The following RIMS1 variants were observed in gnomAD, a reference collection of about 807,000 sequenced individuals.
RIMS1 encodes the protein regulating synaptic membrane exocytosis protein 1.
Under a neutral mutation model 214.1 loss-of-function variants are expected in RIMS1, and 83 were observed. The observed-to-expected ratio is 0.39, with a 90% confidence interval of 0.32 to 0.47. RIMS1 has a LOEUF of 0.47. Among genes scored for constraint, RIMS1 ranks in the 20% least tolerant of loss-of-function variants. The probability of loss-of-function intolerance (pLI) is 0.99; values close to 1 mark genes in which losing one functional copy is unlikely to be tolerated. For missense variants in RIMS1, 2,050 were observed against 2,161.8 expected (o/e 0.95, Z 1.03); for synonymous variants, 793 against 786.8 (o/e 1.01, Z -0.13).
At chr6:72,139,045 T>C (rs1367579130) in intron 4 of RIMS1, among the ~76,000 whole-genome samples, 3 of 152,184 alleles carry the variant, frequency 2.0e-5, no homozygotes, top group African/African-American at 7.2e-5. Flanking sequence ...CATATAACTG[T>C]TTATATGTAT....
Position 71,900,858 on chromosome 6 carries a change from G to A in RIMS1, c.164+13671G>A, listed in dbSNP as rs115667615. On this transcript the variant is annotated intron_variant, in intron 1 of 33. Coordinates refer to ENST00000521978, the MANE Select transcript of RIMS1 (RefSeq NM_014989.7). ...GAGTCATGTGTACACAGATGGCCATGAAGCTATGGGTGAGGCTGAGTGATT... is the reference window on the plus strand; with the variant it reads ...GAGTCATGTGTACACAGATGGCCATAAAGCTATGGGTGAGGCTGAGTGATT... Among the ~76,000 whole-genome samples, 1,476 of 152,226 alleles carry A rather than the reference G, an allele frequency of 9.7e-3. 28 individuals carry two copies. Among genetic ancestry groups the A allele is most frequent in the African/African-American group, 0.032 (1,340 of 41,550 alleles).
At chr6:72,057,402 G>A (rs1826494465) in intron 2 of RIMS1, among the ~76,000 whole-genome samples, 1 of 151,990 alleles carries the variant, frequency 6.6e-6, no homozygotes, top group African/African-American at 2.4e-5. Context: ...ATTCAGGCTC[G>A]GATTCTTTGA....
chr6:72,070,317 A>G (rs976356844), intron 2 of RIMS1, among the ~76,000 whole-genome samples: 1 of 152,160 alleles, frequency 6.6e-6, no homozygotes, highest in Non-Finnish European at 1.5e-5. Context: ...ATATAATCAT[A>G]TGAAATATTA....
intron 4 of RIMS1, among the ~76,000 whole-genome samples, chr6:72,144,115 A>T (rs769123909): frequency 5.3e-5 from 8 of 152,188 alleles, no homozygotes; most frequent in Admixed American, 3.9e-4. Context: ...TTATTTAACC[A>T]ATTTAAGATA....
chr6:72,260,634 T>C, intron 18 of RIMS1, 71 bp from the exon 19 acceptor site: 1 of 1,582,784 alleles, frequency 6.3e-7, no homozygotes, highest in Non-Finnish European at 8.6e-7. Context: ...ATGTTTTCAT[T>C]GGCATACCAT....
chr6:72,349,266 G>A lies in RIMS1; in HGVS notation c.4366+15431G>A, dbSNP rs550287523. On this transcript the variant is annotated intron_variant, in intron 29 of 33. Coordinates refer to ENST00000521978, the MANE Select transcript of RIMS1 (RefSeq NM_014989.7). Reference sequence around the variant, plus strand: ...AAACATTCTGTGTTCCAGATTCAAAGTCAGTGCCATAGGATGTTTTTGTAA... The same window carrying A: ...AAACATTCTGTGTTCCAGATTCAAAATCAGTGCCATAGGATGTTTTTGTAA... Among the ~76,000 whole-genome samples the A allele has an allele frequency of 3.9e-5, 6 of 152,088 alleles. No individual in the cohort carries two copies. The East Asian group carries it at 1.2e-3, about 29-fold the overall frequency.
chr6:72,292,734 A>C (rs2093586904), intron 26 of RIMS1, among the ~76,000 whole-genome samples: 1 of 152,166 alleles, frequency 6.6e-6, no homozygotes, highest in African/African-American at 2.4e-5. Flanking sequence ...CACATATCTT[A>C]GTAGATGACA....
intron 17 of RIMS1, among the ~76,000 whole-genome samples, chr6:72,258,639 G>A (rs1328216169): frequency 6.6e-6 from 1 of 152,130 alleles, no homozygotes; most frequent in African/African-American, 2.4e-5. Context: ...ACTTTGAAGA[G>A]ATTTAGGATT....
intron 28 of RIMS1, 100 bp downstream of exon 28, chr6:72,313,772 C>T: frequency 8.3e-7 from 1 of 1,204,912 alleles, no homozygotes; most frequent in Non-Finnish European, 1.1e-6. Flanking sequence ...GTTTAGGTCA[C>T]AGTGGGTTAA....
At chr6:72,096,103 G>A (rs1471258942) in intron 2 of RIMS1, among the ~76,000 whole-genome samples, 3 of 152,232 alleles carry the variant, frequency 2.0e-5, no homozygotes, top group Admixed American at 6.5e-5. Context: ...CACATTAAAT[G>A]TGAACATTCT....
At chr6:72,013,328 A>G (rs1811523787) in intron 2 of RIMS1, among the ~76,000 whole-genome samples, 1 of 152,216 alleles carries the variant, frequency 6.6e-6, no homozygotes, top group Admixed American at 6.5e-5. Flanking sequence ...TTTATAATTG[A>G]GAATGTTTTA....
intron 4 of RIMS1, among the ~76,000 whole-genome samples, chr6:72,129,719 A>G (rs2040148169): frequency 1.3e-5 from 2 of 152,240 alleles, no homozygotes; most frequent in South Asian, 4.1e-4. Flanking sequence ...GTATTAAACC[A>G]GAGAAAACTG....
chr6:71,913,331 G>T (rs1777463061), intron 1 of RIMS1, among the ~76,000 whole-genome samples: 1 of 152,100 alleles, frequency 6.6e-6, no homozygotes, highest in South Asian at 2.1e-4. Context: ...AAAAGGAGGG[G>T]CTTGAAGGGA....
At chr6:72,052,336 T>C (rs1824937082) in intron 2 of RIMS1, among the ~76,000 whole-genome samples, 1 of 152,168 alleles carries the variant, frequency 6.6e-6, no homozygotes, top group Non-Finnish European at 1.5e-5. Context: ...AGGGATACTG[T>C]AGTATCTTGT....
intron 29 of RIMS1, among the ~76,000 whole-genome samples, chr6:72,390,389 C>G (rs1166886999): frequency 6.6e-6 from 1 of 152,160 alleles, no homozygotes; most frequent in Non-Finnish European, 1.5e-5. Flanking sequence ...GAAACTGTGG[C>G]CATGGCATAG....
rs541596736 is a variant in RIMS1 at position 71,954,576 on chromosome 6, AGTT to A, written c.165-14403_165-14401del. Among the ~76,000 whole-genome samples, 897 of 152,320 alleles carry A rather than the reference AGTT, an allele frequency of 5.9e-3. 6 individuals are homozygous for A. The highest frequency in any genetic ancestry group is 0.01 in the Non-Finnish European group (701 of 68,020). On this transcript the variant is annotated intron_variant, in intron 1 of 33. Coordinates refer to ENST00000521978, the MANE Select transcript of RIMS1 (RefSeq NM_014989.7). The stretch of plus-strand genomic sequence containing the variant: ...AGTGTATTAATTATTTGACTTCCGT[AGTT>A]GTTTATTGGAGTGATTGCTTTCCAA...
intron 2 of RIMS1, among the ~76,000 whole-genome samples, chr6:72,050,194 T>A (rs1046110400): frequency 6.6e-6 from 1 of 152,202 alleles, no homozygotes; most frequent in South Asian, 2.1e-4. Flanking sequence ...TGTTCTTGAC[T>A]GTGGCAGAGA....
rs2093465425 is a variant in RIMS1 at position 72,292,035 on chromosome 6, G to C, written c.3839G>C (p.Ser1280Thr). ...QLPQVPVRSGSIEQASLVVEE... is the reference protein window; with the variant it reads ...QLPQVPVRSGTIEQASLVVEE... ...CCACAAGTGCCAGTGAGAAGCGGCAGTATAGAACAAGGTATCCGATAAAGA... is the reference window on the plus strand; with the variant it reads ...CCACAAGTGCCAGTGAGAAGCGGCACTATAGAACAAGGTATCCGATAAAGA... Residue 1280 changes from serine to threonine, a missense_variant, in exon 26 of 34, where the codon AGT becomes ACT. By Grantham distance (58) the Ser-to-Thr change is moderately conservative. Transcript: ENST00000521978. The C allele has an allele frequency of 6.4e-7, 1 of 1,553,334 alleles. No homozygotes were observed. The highest frequency in any genetic ancestry group is 8.7e-7 in the Non-Finnish European group (1 of 1,147,412).
At chr6:72,132,447 T>G (rs1462032018) in intron 4 of RIMS1, among the ~76,000 whole-genome samples, 1 of 152,204 alleles carries the variant, frequency 6.6e-6, no homozygotes, top group Admixed American at 6.5e-5. Flanking sequence ...TCACCAGTTG[T>G]TGAGGCAGAC....
Sources: gnomAD v4.1 joint callset for allele counts (sites outside exome capture counted in the v4.1 genomes callset) on GRCh38, gnomAD v4.1.1 for gene constraint, MANE v1.5 for transcripts, NCBI Gene and HGNC (gene_info 2026-07-23, HGNC 2026-07-21) for gene names.